The following ZNF461 variants were observed in gnomAD, a reference collection of about 807,000 sequenced individuals.
ZNF461 encodes the protein zinc finger protein 461.
ZNF461 carries 16 observed loss-of-function variants against 18.3 expected under a neutral mutation model. The observed-to-expected ratio is 0.88, with a 90% CI of 0.59 to 1.33. ZNF461 has a LOEUF of 1.33. Among genes scored for constraint, ZNF461 ranks in the 40% most tolerant of loss-of-function variants. ZNF461 has a pLI of 0.00. For missense variants in ZNF461, 595 were observed against 669.9 expected, an observed-to-expected ratio of 0.89 and a Z score of 1.23; for synonymous variants, 179 against 216.9, an observed-to-expected ratio of 0.83 and a Z score of 1.54.
At position 36,638,993 on chromosome 19, in the gene ZNF461, C is replaced by G. The variant is rs756824933; in HGVS notation, c.1352G>C (p.Arg451Thr). The change falls in exon 6 of 6, where the codon AGA becomes ACA. Residue 451 changes from arginine to threonine, a missense_variant. Transcript: ENST00000588268. ...ATGTCTTTTGAGGTGTGAACACTGT[C>G]TAAAAGTCTTCCCACATTCCTTACA... ...YECKECGKTF[R>T]QCSHLKRHQR... is the part of the protein sequence containing the mutation. The G allele has an allele frequency of 5.6e-6, 9 of 1,614,074 alleles. No homozygotes were observed. In the South Asian group the frequency reaches 9.9e-5, roughly 18 times the overall value.
At chr19:36,643,114 T>C (rs775313495) in intron 5 of ZNF461, among the ~76,000 whole-genome samples, 34 of 150,914 alleles carry the variant, frequency 2.3e-4, no homozygotes, top group Non-Finnish European at 8.9e-5. Context: ...ACATACTTAT[T>C]TATGTACAGA....
intron 3 of ZNF461, 115 bp from the exon 4 acceptor site, chr19:36,656,658 A>T: frequency 7.9e-6 from 6 of 757,242 alleles, no homozygotes. Flanking sequence ...TTGATAAGGG[A>T]TACAGAGGAA....
Position 36,639,738 on chromosome 19 carries a change from A to G in ZNF461, c.607T>C (p.Tyr203His), listed in dbSNP as rs1356623132. Reference sequence around the variant, plus strand: ...TTGTGGTGACTAAAAAATAAATGGTAACTGAAGATTTTTCTACACTTTTTA... The same window carrying G: ...TTGTGGTGACTAAAAAATAAATGGTGACTGAAGATTTTTCTACACTTTTTA... ...ECKKCRKIFS[Y>H]HLFFSHHKRT... Residue 203 changes from tyrosine (Y) to histidine (H), a missense_variant, in exon 6 of 6, where the codon TAC becomes CAC. Physicochemically the swap from Tyr to His is moderately conservative, Grantham distance 83. Coordinates refer to ENST00000588268, the MANE Select transcript of ZNF461 (RefSeq NM_153257.5). The G allele has an allele frequency of 6.2e-7, 1 of 1,613,392 alleles. No individual in the cohort carries two copies. Among genetic ancestry groups the G allele is most frequent in the Non-Finnish European group, 8.5e-7 (1 of 1,179,604 alleles).
At chr19:36,656,585 G>T (rs868095630) in intron 3 of ZNF461, 42 bp from the exon 4 acceptor site, 2 of 1,466,010 alleles carry the variant, frequency 1.4e-6, no homozygotes, top group Non-Finnish European at 9.6e-7. Context: ...GGAAATGAAT[G>T]TATCCAAATA....
In ZNF461 at chr19:36,638,943, G is replaced by A. The variant is rs200992405; in HGVS notation, c.1402C>T (p.Pro468Ser). 3.7e-5 allele frequency: 60 copies of A among 1,613,866 alleles called. No homozygotes were observed. The African/African-American group carries it at 7.9e-4, about 21-fold the overall frequency. ...RHQRIHTGEK[P>S]HECMICGKAF... ...TTACCACATATCATGCATTCATGAG[G>A]TTTCTCACCAGTATGAATTCTCTGA... The change falls in exon 6 of 6, where the codon CCT becomes TCT. Residue 468 changes from proline to serine, a missense_variant. Coordinates refer to ENST00000588268, the MANE Select transcript of ZNF461 (RefSeq NM_153257.5).
At chr19:36,653,747 C>T (rs773613186) in intron 4 of ZNF461, among the ~76,000 whole-genome samples, 6 of 152,202 alleles carry the variant, frequency 3.9e-5, no homozygotes, top group South Asian at 2.1e-4. Flanking sequence ...TCCCACAACA[C>T]GTGGGAATTA....
At chr19:36,647,434 G>A (rs1388706598) in intron 4 of ZNF461, among the ~76,000 whole-genome samples, 1 of 152,070 alleles carries the variant, frequency 6.6e-6, no homozygotes, top group Non-Finnish European at 1.5e-5. Flanking sequence ...CAGCTACTTG[G>A]GAGGCTGAGG....
chr19:36,658,101 C>T (rs1259687764), intron 3 of ZNF461, 198 bp downstream of exon 3: 2 of 555,130 alleles, frequency 3.6e-6, no homozygotes, highest in Admixed American at 3.4e-5. Context: ...ACCAAAAGAA[C>T]GTGTAAGGAT....
chr19:36,665,708 C>CAAAAAAAAAAAAAAAAAAAAAAAAAAA (rs750223990), intron 1 of ZNF461, among the ~76,000 whole-genome samples: 1 of 77,890 alleles, frequency 1.3e-5, no homozygotes, highest in South Asian at 5.2e-4. Context: ...AACTTCGTCT[C>CAAAAAAAAAAAAAAAAAAAAAAAAAAA]AAAAAAAAAA....
chr19:36,646,960 C>T (rs1299058912), intron 4 of ZNF461, among the ~76,000 whole-genome samples: 1 of 151,980 alleles, frequency 6.6e-6, no homozygotes, highest in Non-Finnish European at 1.5e-5. Context: ...TCTTGGGGTT[C>T]TCAATAGTTT....
chr19:36,645,641 G>C (rs2037512577), intron 4 of ZNF461, among the ~76,000 whole-genome samples: 2 of 152,046 alleles, frequency 1.3e-5, no homozygotes, highest in South Asian at 4.2e-4. Flanking sequence ...ATAGTTAACT[G>C]TTTTCTTTTT....
chr19:36,639,364 T>C lies in ZNF461; in HGVS notation c.981A>G (p.Lys327=), dbSNP rs747975044. Residue 327 remains lysine, a synonymous_variant, in exon 6 of 6, where the codon AAA becomes AAG. Transcript: ENST00000588268. ...TQHQRLHTGE[K]PYECKQCGKA... is the part of the protein sequence containing the mutation. Reference sequence around the variant, plus strand: ...TCCCACATTGCTTACATTCATAGGGTTTTTCACCAGTATGAAGTCTCTGAT... The same window carrying C: ...TCCCACATTGCTTACATTCATAGGGCTTTTCACCAGTATGAAGTCTCTGAT... The C allele has an allele frequency of 8.1e-6, 13 of 1,613,682 alleles. No individual in the cohort carries two copies. Among genetic ancestry groups the C allele is most frequent in the Non-Finnish European group, 5.9e-6 (7 of 1,179,982 alleles).
chr19:36,640,740 G>C (rs553916685), intron 5 of ZNF461, among the ~76,000 whole-genome samples: 5 of 152,228 alleles, frequency 3.3e-5, no homozygotes, highest in South Asian at 4.1e-4. Flanking sequence ...TTTCTAGCTT[G>C]GATTTTAATG....
At chr19:36,642,552 G>A (rs2037444360) in intron 5 of ZNF461, among the ~76,000 whole-genome samples, 2 of 151,956 alleles carry the variant, frequency 1.3e-5, no homozygotes, top group Non-Finnish European at 1.5e-5. Context: ...AGGGAGGGCG[G>A]GCATATGAGC....
intron 2 of ZNF461, among the ~76,000 whole-genome samples, chr19:36,662,027 G>A (rs145827217): frequency 0.037 from 5,601 of 151,778 alleles, 157 homozygotes; most frequent in Non-Finnish European, 0.05. Context: ...GTGCCACCAC[G>A]TCTGGCTAAT....
At position 36,656,593 on chromosome 19, in the gene ZNF461, A is replaced by G. The variant is rs775412108; in HGVS notation, c.137-50T>C. ...ATGAGATGGAAATGAATGTATCCAA[A>G]TACAGTGATTTAGAACTGATTAAAA... On this transcript the variant is annotated intron_variant, in intron 3 of 5. Transcript: ENST00000588268. The G allele has an allele frequency of 7.1e-6, 10 of 1,416,758 alleles. No individual in the cohort carries two copies. In the African/African-American group the frequency reaches 1.4e-4, roughly 20 times the overall value. 87.8% of individuals were successfully genotyped at this position (1,416,758 alleles called of 1,614,324 possible).
rs760688513 is a variant in ZNF461 at position 36,637,196 on chromosome 19, CT to C, written c.*1456del. The stretch of plus-strand genomic sequence containing the variant: ...CTATTGGTTGTGTTTTGACAATTTT[CT>C]TTTTTTTTTTTCTTTTTGAGACAGA... On this transcript the variant is annotated 3_prime_UTR_variant, in exon 6 of 6. Transcript: ENST00000588268. The C allele has an allele frequency of 5.4e-4, 79 of 145,656 alleles. No individual in the cohort carries two copies. The highest frequency in any genetic ancestry group is 6.3e-4 in the African/African-American group (25 of 39,894). 9.0% of individuals were successfully genotyped at this position (145,656 alleles called of 1,614,324 possible).
At chr19:36,659,690 A>C (rs1357718808) in intron 2 of ZNF461, among the ~76,000 whole-genome samples, 5 of 152,202 alleles carry the variant, frequency 3.3e-5, no homozygotes, top group Non-Finnish European at 5.9e-5. Flanking sequence ...ATCACACCTG[A>C]GAGGTCTTAA....
In ZNF461 at chr19:36,637,847, A is replaced by G. The variant is rs1319357842; in HGVS notation, c.*806T>C. Reference sequence around the variant, plus strand: ...TGATAGCAGTTGTTGCATCTGTGGAAAGTGAGTGGCTACAGAACTGGATGT... The same window carrying G: ...TGATAGCAGTTGTTGCATCTGTGGAGAGTGAGTGGCTACAGAACTGGATGT... On this transcript the variant is annotated 3_prime_UTR_variant, in exon 6 of 6. Transcript: ENST00000588268. 1.4e-5 allele frequency: 6 copies of G among 439,082 alleles called. No individual in the cohort carries two copies. Among genetic ancestry groups the G allele is most frequent in the Non-Finnish European group, 2.7e-5 (6 of 220,050 alleles). The allele number at this position is 439,082 out of a possible 1,614,324, so 27.2% of individuals were successfully genotyped here. A position where few individuals can be genotyped will look rare whatever the true frequency, so the allele number is the denominator to read the frequency against.
Sources: gnomAD v4.1 joint callset for allele counts (sites outside exome capture counted in the v4.1 genomes callset) on GRCh38, gnomAD v4.1.1 for gene constraint, MANE v1.5 for transcripts, NCBI Gene and HGNC (gene_info 2026-07-23, HGNC 2026-07-21) for gene names.